Variants in RFX6 observed in about 807,000 individuals in gnomAD.
RFX6 encodes the protein DNA-binding protein RFX6.
RFX6 carries 50 observed loss-of-function variants against 110.8 expected under a neutral mutation model. That is an observed-to-expected ratio of 0.45 (90% CI 0.36 to 0.57). The LOEUF (loss-of-function observed/expected upper bound fraction) is 0.57, where lower values mean the gene tolerates loss of function less well. Among genes scored for constraint, RFX6 ranks in the 20% least tolerant of loss-of-function variants. RFX6 has a pLI of 0.00. For synonymous variants in RFX6, 383 were observed against 411.2 expected, an observed-to-expected ratio of 0.93 and a Z score of 0.83; for missense variants, 990 against 1,127.0, an observed-to-expected ratio of 0.88 and a Z score of 1.74.
intron 4 of RFX6, among the ~76,000 whole-genome samples, chr6:116,887,759 G>A (rs1426385807): frequency 1.3e-5 from 2 of 152,084 alleles, no homozygotes; most frequent in South Asian, 2.1e-4. Flanking sequence ...AAGAACTTTC[G>A]CTACTCATCT....
chr6:116,900,911 T>C (rs774963918), intron 6 of RFX6, among the ~76,000 whole-genome samples: 5 of 152,188 alleles, frequency 3.3e-5, no homozygotes, highest in Non-Finnish European at 7.3e-5. Flanking sequence ...TTACAAATTA[T>C]ATACAGTTGG....
intron 4 of RFX6, among the ~76,000 whole-genome samples, chr6:116,889,409 T>C (rs1774771865): frequency 6.6e-6 from 1 of 151,928 alleles, no homozygotes; most frequent in Admixed American, 6.6e-5. Flanking sequence ...GGGTTTAGTA[T>C]GGGAGGTAAG....
At position 116,877,435 on chromosome 6, in the gene RFX6, G is replaced by C; in HGVS notation, c.160G>C (p.Gly54Arg). 1 of 1,593,506 alleles carries C rather than the reference G, an allele frequency of 6.3e-7. No homozygotes were observed. The highest frequency in any genetic ancestry group is 8.5e-7 in the Non-Finnish European group (1 of 1,169,702). The change falls in exon 1 of 19, where the codon GGG (glycine) becomes CGG (arginine). Residue 54 changes from glycine to arginine, a missense_variant. Physicochemically the swap from Gly to Arg is moderately radical, Grantham distance 125. This residue lies in a region of RFX6 where 175 missense variants were observed against 162.3 expected (regional missense o/e 1.08). Coordinates refer to ENST00000332958, the MANE Select transcript of RFX6 (RefSeq NM_173560.4). ...TVYLAAEGQPGGEQGGGEKGE... is the reference protein window; with the variant it reads ...TVYLAAEGQPRGEQGGGEKGE... Reference sequence around the variant, plus strand: ...GTACCTGGCGGCCGAAGGGCAGCCCGGGGGCGAGCAGGGCGGCGGGGAGAA... The same window carrying C: ...GTACCTGGCGGCCGAAGGGCAGCCCCGGGGCGAGCAGGGCGGCGGGGAGAA...
At chr6:116,925,371 T>C (rs1379031189) in intron 15 of RFX6, 82 bp from the exon 16 acceptor site, 1 of 1,149,988 alleles carries the variant, frequency 8.7e-7, no homozygotes, top group South Asian at 1.2e-5. Context: ...AATGAAACAT[T>C]TTCATTTTCT....
At position 116,877,827 on chromosome 6, in the gene RFX6, TGAA is replaced by T. The variant is rs768183317; in HGVS notation, c.261_263del (p.Glu88del). 116 of 1,614,018 alleles carry T rather than the reference TGAA, an allele frequency of 7.2e-5. No individual in the cohort carries two copies. Among genetic ancestry groups the T allele is most frequent in the Non-Finnish European group, 9.6e-5 (113 of 1,180,020 alleles). ...ACTTAAACAATGGTAACTTTTCCTC[TGAA>T]GAAGAGGACGCCGACAACCACGACA... On this transcript the variant is annotated inframe_deletion, in exon 2 of 19. Coordinates refer to ENST00000332958, the MANE Select transcript of RFX6 (RefSeq NM_173560.4).
chr6:116,886,493 A>G (rs531510063), intron 4 of RFX6, among the ~76,000 whole-genome samples: 3 of 152,342 alleles, frequency 2.0e-5, no homozygotes, highest in Admixed American at 1.3e-4. Context: ...ATAAAACCCA[A>G]AGTTTGGAAA....
In RFX6 at chr6:116,928,917, A is replaced by G; in HGVS notation, c.2557A>G (p.Ser853Gly). ...ILDDSGRKQTSSFYTDTSSPV... is the reference protein window; with the variant it reads ...ILDDSGRKQTGSFYTDTSSPV... ...AGATGACAGTGGTAGAAAACAGACC[A>G]GCTCGTTTTACACAGACACATCATC... The change falls in exon 18 of 19, where the codon AGC (serine) becomes GGC (glycine). Residue 853 changes from serine (S) to glycine (G), a missense_variant. Physicochemically the swap from Ser to Gly is moderately conservative, Grantham distance 56. Around this residue, in one of 5 missense-constraint regions of RFX6, gnomAD observed 438 missense variants for 441.9 expected, o/e 0.99. Coordinates refer to ENST00000332958, the MANE Select transcript of RFX6 (RefSeq NM_173560.4). 3 of 1,613,902 alleles carry G rather than the reference A, an allele frequency of 1.9e-6. No homozygotes were observed. Among genetic ancestry groups the G allele is most frequent in the East Asian group, 4.5e-5 (2 of 44,884 alleles).
In RFX6 at chr6:116,928,918, G is replaced by C; in HGVS notation, c.2558G>C (p.Ser853Thr). The change falls in exon 18 of 19, where the codon AGC becomes ACC. Residue 853 changes from serine to threonine, a missense_variant. Ser to Thr is a moderately conservative substitution (Grantham distance 58). Around this residue, in one of 5 missense-constraint regions of RFX6, gnomAD observed 438 missense variants for 441.9 expected, o/e 0.99. Transcript: ENST00000332958. ...GATGACAGTGGTAGAAAACAGACCA[G>C]CTCGTTTTACACAGACACATCATCT... ...ILDDSGRKQT[S>T]SFYTDTSSPV... is the part of the protein sequence containing the mutation. 6.2e-7 allele frequency: 1 copy of C among 1,613,900 alleles called. No homozygotes were observed. The highest frequency in any genetic ancestry group is 8.5e-7 in the Non-Finnish European group (1 of 1,179,776).
At chr6:116,888,060 C>T (rs967222711) in intron 4 of RFX6, among the ~76,000 whole-genome samples, 6 of 152,140 alleles carry the variant, frequency 3.9e-5, no homozygotes, top group African/African-American at 7.2e-5. Context: ...AAAACTGATA[C>T]GGCAGCTGCT....
At chr6:116,877,733 T>C in intron 1 of RFX6, 63 bp from the exon 2 acceptor site, 1 of 1,554,534 alleles carries the variant, frequency 6.4e-7, no homozygotes, top group Admixed American at 1.7e-5. Flanking sequence ...AAGGTACACT[T>C]AAAGGCGACT....
chr6:116,929,460 T>G (rs1405069728), intron 18 of RFX6, among the ~76,000 whole-genome samples: 1 of 152,268 alleles, frequency 6.6e-6, no homozygotes, highest in East Asian at 1.9e-4. Flanking sequence ...CATTCTTATG[T>G]AAAATGTGAT....
Position 116,916,014 on chromosome 6 carries a change from AC to A in RFX6, c.788del (p.Thr263SerfsTer3). On this transcript the variant is annotated frameshift_variant, in exon 8 of 19. Transcript: ENST00000332958. LOFTEE classifies it high-confidence loss of function. ...QGCISKDKVD[T>X]LIMMYKTHCQ... Reference sequence around the variant, plus strand: ...TTTTTCTTCCTTGAAATAGGTTGATACGCTCATAATGATGTACAAAACTCAC... The same window carrying A: ...TTTTTCTTCCTTGAAATAGGTTGATAGCTCATAATGATGTACAAAACTCAC... 1 of 1,607,564 alleles carries A rather than the reference AC, an allele frequency of 6.2e-7. No homozygotes were observed. The highest frequency in any genetic ancestry group is 8.5e-7 in the Non-Finnish European group (1 of 1,174,484).
At position 116,918,085 on chromosome 6, in the gene RFX6, A is replaced by G; in HGVS notation, c.1021A>G (p.Ser341Gly). Residue 341 changes from serine (S) to glycine (G), a missense_variant and splice_region_variant, in exon 10 of 19, where the codon AGC (serine) becomes GGC (glycine). By Grantham distance (56) the Ser-to-Gly change is moderately conservative. Transcript: ENST00000332958. ...IPATMQEMPE[S>G]LLADIRNFAK... Reference sequence around the variant, plus strand: ...TGCAACAATGCAAGAAATGCCTGAAAGGTATGTTCAGTTAATAAAACATGA... The same window carrying G: ...TGCAACAATGCAAGAAATGCCTGAAGGGTATGTTCAGTTAATAAAACATGA... The G allele has an allele frequency of 6.2e-7, 1 of 1,601,374 alleles. No individual in the cohort carries two copies. The highest frequency in any genetic ancestry group is 8.5e-7 in the Non-Finnish European group (1 of 1,170,008).
At chr6:116,911,994 A>G (rs565939049) in intron 7 of RFX6, among the ~76,000 whole-genome samples, 1 of 152,206 alleles carries the variant, frequency 6.6e-6, no homozygotes, top group South Asian at 2.1e-4. Flanking sequence ...AAGAATAGGC[A>G]AAGTATTCTT....
chr6:116,878,085 T>A, intron 2 of RFX6, 133 bp downstream of exon 2: 1 of 918,586 alleles, frequency 1.1e-6, no homozygotes, highest in Non-Finnish European at 1.7e-6. Context: ...AATTAGAATT[T>A]AACCCAGAAT....
At chr6:116,880,955 G>A (rs890066407) in intron 3 of RFX6, among the ~76,000 whole-genome samples, 1 of 152,064 alleles carries the variant, frequency 6.6e-6, no homozygotes, top group African/African-American at 2.4e-5. Context: ...AGTATGGCCT[G>A]TGGTAAGAAG....
chr6:116,901,656 A>T (rs1775077444), intron 6 of RFX6, among the ~76,000 whole-genome samples: 1 of 152,162 alleles, frequency 6.6e-6, no homozygotes, highest in African/African-American at 2.4e-5. Flanking sequence ...GCTCAATCTA[A>T]ATATTAATCA....
rs73765878 is a variant in RFX6, at chr6:116,882,648, C to A, written c.566+220C>A. 0.071 allele frequency among the ~76,000 whole-genome samples: 10,817 copies of A among 151,548 alleles called. 402 individuals are homozygous for A. The highest frequency in any genetic ancestry group is 0.12 in the Admixed American group (1,779 of 15,216). Reference sequence around the variant, plus strand: ...AAATAATAATGTATTATTATTTCTGCTGAAATAATTTAAATGAGTCATTTT... The same window carrying A: ...AAATAATAATGTATTATTATTTCTGATGAAATAATTTAAATGAGTCATTTT... On this transcript the variant is annotated intron_variant, in intron 4 of 18. Coordinates refer to ENST00000332958, the MANE Select transcript of RFX6 (RefSeq NM_173560.4).
chr6:116,906,640 T>C (rs1022876750), intron 6 of RFX6, among the ~76,000 whole-genome samples: 2 of 152,122 alleles, frequency 1.3e-5, no homozygotes, highest in South Asian at 4.1e-4. Flanking sequence ...GAAATTGTTT[T>C]CTTAATTTTC....
Sources: gnomAD v4.1 joint callset for allele counts (sites outside exome capture counted in the v4.1 genomes callset) on GRCh38, gnomAD v4.1.1 for gene constraint, gnomAD v4.1.1 regional missense constraint, MANE v1.5 for transcripts, NCBI Gene and HGNC (gene_info 2026-07-23, HGNC 2026-07-21) for gene names.